Variants in SLC36A1 observed in about 807,000 individuals in gnomAD.
SLC36A1 encodes proton-coupled amino acid transporter 1.
SLC36A1 carries 30 observed loss-of-function variants against 47.5 expected under a neutral mutation model. That is an observed-to-expected ratio of 0.63 (90% CI 0.47 to 0.86). The LOEUF is 0.86. Among genes scored for constraint, SLC36A1 ranks in the 40% least tolerant of loss-of-function variants. The pLI, the probability that SLC36A1 is intolerant of heterozygous loss-of-function variation, is 0.00. For synonymous variants in SLC36A1, 255 were observed against 249.7 expected (o/e 1.02, Z -0.20); for missense variants, 517 against 606.0 (o/e 0.85, Z 1.54).
rs761723376 is a variant in SLC36A1, at chr5:151,476,661, C to T, written c.894C>T (p.Ile298=). ...FPLILYLGMV[I]VTILYISLGC... is the part of the protein sequence containing the mutation. ...TCATCCTGTACCTGGGCATGGTCATCGTCACCATCCTCTACATCAGCCTGG... is the reference window on the plus strand; with the variant it reads ...TCATCCTGTACCTGGGCATGGTCATTGTCACCATCCTCTACATCAGCCTGG... The change falls in exon 9 of 11, where the codon ATC becomes ATT. Residue 298 remains isoleucine, a synonymous_variant. Coordinates refer to ENST00000243389, the MANE Select transcript of SLC36A1 (RefSeq NM_078483.4). 6.8e-6 allele frequency: 11 copies of T among 1,613,248 alleles called. No homozygotes were observed. The highest frequency in any genetic ancestry group is 8.5e-6 in the Non-Finnish European group (10 of 1,179,618).
chr5:151,420,921 A>T, the SLC36A1 span, among the ~76,000 whole-genome samples: 2 of 145,828 alleles, frequency 1.4e-5, no homozygotes, highest in Non-Finnish European at 3.0e-5. Context: ...CCCAGGCTGG[A>T]GTGCAGTGGC....
chr5:151,347,012 A>G, the SLC36A1 span, among the ~76,000 whole-genome samples: 3 of 152,182 alleles, frequency 2.0e-5, no homozygotes, highest in Non-Finnish European at 4.4e-5. Flanking sequence ...CCAGCACTGA[A>G]TTCTAGCCCT....
intron 2 of SLC36A1, among the ~76,000 whole-genome samples, chr5:151,459,577 G>A (rs1424448667): frequency 6.6e-6 from 1 of 152,200 alleles, no homozygotes; most frequent in Non-Finnish European, 1.5e-5. Context: ...ACTTGAATTA[G>A]AAAATTCAGA....
At chr5:151,455,673 A>T (rs549160813) in intron 1 of SLC36A1, among the ~76,000 whole-genome samples, 2 of 152,290 alleles carry the variant, frequency 1.3e-5, no homozygotes, top group East Asian at 3.9e-4. Context: ...GAGACACAAA[A>T]TGCAATTTTT....
chr5:151,525,531 T>C, the SLC36A1 span, among the ~76,000 whole-genome samples: 10 of 152,038 alleles, frequency 6.6e-5, no homozygotes, highest in African/African-American at 2.4e-4. Context: ...AGTATTACTT[T>C]AAGCCAGTCA....
At chr5:151,483,394 G>T (rs1759069836) in intron 10 of SLC36A1, among the ~76,000 whole-genome samples, 1 of 152,194 alleles carries the variant, frequency 6.6e-6, no homozygotes, top group Non-Finnish European at 1.5e-5. Flanking sequence ...ATGTGGTCGA[G>T]CTGAGGTTGT....
the SLC36A1 span, chr5:151,544,740 T>G: frequency 6.2e-7 from 1 of 1,614,120 alleles, no homozygotes. Context: ...AATCAAAGGG[T>G]TTCTTGAGTG....
intron 10 of SLC36A1, among the ~76,000 whole-genome samples, chr5:151,482,083 T>A (rs1758873297): frequency 6.6e-6 from 1 of 152,200 alleles, no homozygotes; most frequent in Admixed American, 6.5e-5. Context: ...TAAAATCGCA[T>A]CATCCAAGAA....
chr5:151,421,758 T>C, the SLC36A1 span, among the ~76,000 whole-genome samples: 6 of 151,762 alleles, frequency 4.0e-5, no homozygotes, highest in East Asian at 1.2e-3. Context: ...GCCCAGCTAA[T>C]TTTTTGTATT....
intron 1 of SLC36A1, among the ~76,000 whole-genome samples, chr5:151,453,640 CA>C (rs1165735705): frequency 2.0e-5 from 3 of 152,062 alleles, no homozygotes; most frequent in Admixed American, 6.6e-5. Context: ...GCAGTTTTCT[CA>C]ATTCTATATC....
At chr5:151,509,874 GAC>G in the SLC36A1 span, 2 of 896,562 alleles carry the variant, frequency 2.2e-6, no homozygotes, top group Non-Finnish European at 3.4e-6. Context: ...AAAGGTTGGG[GAC>G]CACTGCCCTA....
At chr5:151,521,226 G>A in the SLC36A1 span, 72,481 of 1,532,254 alleles carry the variant, frequency 0.047, 1,864 homozygotes, top group African/African-American at 0.05. Context: ...AGAGTCAGGC[G>A]GGCTGAGCCC....
At chr5:151,531,649 T>C in the SLC36A1 span, 1 of 1,613,746 alleles carries the variant, frequency 6.2e-7, no homozygotes, top group Admixed American at 1.7e-5. The surrounding 1 kb of genome is among the most constrained non-coding windows in gnomAD (Gnocchi z 5.7). Context: ...GTAGCCGGTC[T>C]TCTCTGCGCC....
exon 1 of SLC36A1, chr5:151,437,117 A>G (rs1373266912): frequency 6.6e-6 from 1 of 152,190 alleles, no homozygotes; most frequent in Non-Finnish European, 1.5e-5. Context: ...GCCTTGTTTC[A>G]GAAGGATCTA....
upstream of SLC36A1, among the ~76,000 whole-genome samples, chr5:151,445,273 T>C (rs1035306413): frequency 5.9e-5 from 9 of 152,344 alleles, no homozygotes; most frequent in South Asian, 2.1e-4. Flanking sequence ...GTTAATATGA[T>C]GTATTATATT....
the SLC36A1 span, chr5:151,382,151 TGAA>T: frequency 1.0e-6 from 1 of 953,182 alleles, no homozygotes; most frequent in Non-Finnish European, 1.7e-6. Flanking sequence ...GTGCAGACTC[TGAA>T]TTGAAGGCTT....
At chr5:151,532,019 G>C in the SLC36A1 span, 1 of 1,594,072 alleles carries the variant, frequency 6.3e-7, no homozygotes, top group Non-Finnish European at 8.5e-7. Flanking sequence ...GCCTCCTCTG[G>C]ACCTGCCTGC....
chr5:151,545,275 G>A, the SLC36A1 span: 1 of 1,614,160 alleles, frequency 6.2e-7, no homozygotes, highest in Non-Finnish European at 8.5e-7. Context: ...TACCAGCGCA[G>A]TGTCTTGATA....
At chr5:151,379,414 A>G in the SLC36A1 span, among the ~76,000 whole-genome samples, 1 of 152,016 alleles carries the variant, frequency 6.6e-6, no homozygotes, top group Non-Finnish European at 1.5e-5. Context: ...GCTCACTGCA[A>G]CCTCCGCCTC....
Sources: gnomAD v4.1 joint callset for allele counts (sites outside exome capture counted in the v4.1 genomes callset) on GRCh38, gnomAD v4.1.1 for gene constraint, Gnocchi (gnomAD v3.1) non-coding constraint, MANE v1.5 for transcripts, NCBI Gene and HGNC (gene_info 2026-07-23, HGNC 2026-07-21) for gene names.